PML: variants seen among roughly 807,000 people sequenced by gnomAD.
PML encodes PML nuclear body scaffold, also known as protein PML.
PML carries 28 observed loss-of-function variants against 65.2 expected under a neutral mutation model. That is an observed-to-expected ratio of 0.43 (90% CI 0.32 to 0.59). The LOEUF (loss-of-function observed/expected upper bound fraction) is 0.59, where lower values mean the gene tolerates loss of function less well. PML is among the 20% of genes least tolerant of loss of function. The probability of loss-of-function intolerance (pLI) is 0.08; values close to 1 mark genes in which losing one functional copy is unlikely to be tolerated. For synonymous variants in PML, 500 were observed against 508.8 expected (o/e 0.98, Z 0.23); for missense variants, 1,021 against 1,203.4 (o/e 0.85, Z 2.24).
chr15:73,999,935 C>A (rs1446347211), intron 2 of PML, among the ~76,000 whole-genome samples: 1 of 150,074 alleles, frequency 6.7e-6, no homozygotes, highest in African/African-American at 2.5e-5. Flanking sequence ...CCCGGGTTCA[C>A]GCCATTTTCC....
At chr15:74,036,157 G>T in intron 7 of PML, 1 of 1,605,448 alleles carries the variant, frequency 6.2e-7, no homozygotes, top group Non-Finnish European at 8.5e-7. Context: ...GAAGGCTAAG[G>T]CATGGCTGAG....
intron 2 of PML, among the ~76,000 whole-genome samples, chr15:74,004,770 G>T (rs2069956617): frequency 1.4e-5 from 2 of 147,894 alleles, no homozygotes; most frequent in South Asian, 4.2e-4. Context: ...ATAGTGGCAT[G>T]ATCTTGGCTC....
chr15:74,002,489 G>A (rs2069818283), intron 2 of PML, among the ~76,000 whole-genome samples: 1 of 141,392 alleles, frequency 7.1e-6, no homozygotes, highest in South Asian at 2.2e-4. Context: ...TGTCATCCAG[G>A]TTGGAGTGCA....
At chr15:74,044,102 C>A in intron 8 of PML, 119 bp from the exon 9 acceptor site, 1 of 944,266 alleles carries the variant, frequency 1.1e-6, no homozygotes, top group Non-Finnish European at 1.7e-6. Flanking sequence ...TGGCTACTGC[C>A]AGCAGACCCC....
chr15:74,007,815 C>T (rs76964192), intron 2 of PML, among the ~76,000 whole-genome samples: 7,572 of 152,262 alleles, frequency 0.05, 250 homozygotes, highest in African/African-American at 0.089. Context: ...TATGAATGGA[C>T]ATAGCCCCTC....
At chr15:74,019,765 A>G (rs2070752638) in intron 2 of PML, among the ~76,000 whole-genome samples, 1 of 152,230 alleles carries the variant, frequency 6.6e-6, no homozygotes, top group Admixed American at 6.5e-5. Flanking sequence ...TCAAACTTTT[A>G]TCCATATATT....
At chr15:74,032,777 G>A (rs1595913918) in intron 5 of PML, 62 bp downstream of exon 5, 2 of 1,559,288 alleles carry the variant, frequency 1.3e-6, no homozygotes, top group East Asian at 4.5e-5. Flanking sequence ...AGGAAAGTGA[G>A]CTGGCACTGG....
At chr15:74,004,959 G>A (rs924586367) in intron 2 of PML, among the ~76,000 whole-genome samples, 24 of 152,266 alleles carry the variant, frequency 1.6e-4, no homozygotes, top group African/African-American at 5.1e-4. Flanking sequence ...TGATCTGCCC[G>A]CCTTGGCCTC....
chr15:74,031,670 G>A (rs1409450474), intron 4 of PML, among the ~76,000 whole-genome samples: 1 of 152,028 alleles, frequency 6.6e-6, no homozygotes, highest in African/African-American at 2.4e-5. Flanking sequence ...CCCTTCTTTT[G>A]GGTGCACACC....
At chr15:74,014,096 G>A (rs572152966) in intron 2 of PML, among the ~76,000 whole-genome samples, 5 of 152,316 alleles carry the variant, frequency 3.3e-5, no homozygotes, top group Admixed American at 2.0e-4. Context: ...AGCATATGAG[G>A]ATAACCATAT....
intron 7 of PML, chr15:74,036,043 C>T (rs1347783773): frequency 1.2e-6 from 2 of 1,614,082 alleles, no homozygotes; most frequent in Admixed American, 3.3e-5. Context: ...AGGCCCTGCA[C>T]AGAGTAGCAC....
chr15:74,008,190 G>C (rs895449543), intron 2 of PML, among the ~76,000 whole-genome samples: 1 of 152,212 alleles, frequency 6.6e-6, no homozygotes, highest in African/African-American at 2.4e-5. Context: ...GCACGTGCAA[G>C]GAAGGGGCAC....
chr15:74,030,731 ATCACT>A (rs2071283318), intron 4 of PML, among the ~76,000 whole-genome samples: 1 of 152,148 alleles, frequency 6.6e-6, no homozygotes, highest in African/African-American at 2.4e-5. Flanking sequence ...ACCTTGGGAA[ATCACT>A]TCACCTCTCT....
chr15:74,043,944 G>T lies in PML; in HGVS notation c.1862-277G>T, dbSNP rs1477050662. On this transcript the variant is annotated intron_variant, in intron 8 of 8. Coordinates refer to ENST00000268058, the MANE Select transcript of PML (RefSeq NM_033238.3). The surrounding 1 kb of genome is among the most constrained non-coding windows in gnomAD (Gnocchi z 4.3). The stretch of plus-strand genomic sequence containing the variant: ...AGACAGGAGGGACCTGTATCCATGG[G>T]GTTTGGCCAACTCTGGGGCCGGTAG... Among the ~76,000 whole-genome samples the T allele has an allele frequency of 6.6e-6, 1 of 152,166 alleles. No individual in the cohort carries two copies. The highest frequency in any genetic ancestry group is 1.5e-5 in the Non-Finnish European group (1 of 68,008).
chr15:74,036,593 C>A (rs1451209581), intron 7 of PML, among the ~76,000 whole-genome samples: 1 of 152,144 alleles, frequency 6.6e-6, no homozygotes, highest in East Asian at 1.9e-4. Flanking sequence ...CCAGCCCCTT[C>A]CTGGCCGTCT....
In PML at chr15:74,043,824, T is replaced by TG; in HGVS notation, c.1862-393dup. 1 of 531,518 alleles carries TG rather than the reference T, an allele frequency of 1.9e-6. No homozygotes were observed. Among genetic ancestry groups the TG allele is most frequent in the Non-Finnish European group, 3.7e-6 (1 of 271,764 alleles). The allele number at this position is 531,518 out of a possible 1,614,324, so 32.9% of individuals were successfully genotyped here. ...CTATGTCCCAGGGCTCTGACTGGGC[T>TG]GGGGTCCTTGAGGGGATTGGAGGAA... On this transcript the variant is annotated intron_variant, in intron 8 of 8. Transcript: ENST00000268058. This position sits in a 1 kb window ranked among gnomAD's most constrained non-coding sequence, Gnocchi z 4.3.
chr15:73,999,526 T>C (rs1005405531), intron 2 of PML, among the ~76,000 whole-genome samples: 2 of 152,220 alleles, frequency 1.3e-5, no homozygotes, highest in Non-Finnish European at 2.9e-5. Flanking sequence ...ACCACGTTTC[T>C]TAGCTTATTG....
Sources: gnomAD v4.1 joint callset for allele counts (sites outside exome capture counted in the v4.1 genomes callset) on GRCh38, gnomAD v4.1.1 for gene constraint, Gnocchi (gnomAD v3.1) non-coding constraint, MANE v1.5 for transcripts, NCBI Gene and HGNC (gene_info 2026-07-23, HGNC 2026-07-21) for gene names.